COL4A6: variants seen among roughly 807,000 people sequenced by gnomAD.
The protein encoded by COL4A6 is collagen alpha-6(IV) chain.
In COL4A6, 59 loss-of-function variants were observed where a neutral mutation model predicts 126.7. The observed-to-expected ratio is 0.47, with a 90% CI of 0.38 to 0.58. The LOEUF (loss-of-function observed/expected upper bound fraction) is 0.58, where lower values mean the gene tolerates loss of function less well. COL4A6 is among the 20% of genes least tolerant of loss of function. COL4A6 has a pLI of 0.00. For synonymous variants in COL4A6, 547 were observed against 496.6 expected (o/e 1.10, Z -1.35); for missense variants, 1,285 against 1,337.3 (o/e 0.96, Z 0.61).
chrX:108,185,955 T>A (rs1240680414), intron 23 of COL4A6, among the ~76,000 whole-genome samples: 1 of 111,695 alleles, frequency 9.0e-6, no homozygotes, highest in East Asian at 2.8e-4. Context: ...ATGGTAAAAT[T>A]TTGGAGCTGG....
chrX:108,351,440 C>CTGTGTGTGTGTGTGTGTGTGTGTGTG (rs574111228), intron 2 of COL4A6, among the ~76,000 whole-genome samples: 1 of 97,911 alleles, frequency 1.0e-5, no homozygotes, highest in Admixed American at 1.2e-4. Context: ...AACTCTCTCT[C>CTGTGTGTGTGTGTGTGTGTGTGTGTG]TCTGTGTGTG....
At chrX:108,361,817 A>G (rs1287889238) in intron 2 of COL4A6, among the ~76,000 whole-genome samples, 1 of 111,958 alleles carries the variant, frequency 8.9e-6, no homozygotes, top group Non-Finnish European at 1.9e-5. Context: ...ATGTTGTTGT[A>G]TATCTTGAAA....
intron 3 of COL4A6, among the ~76,000 whole-genome samples, chrX:108,286,250 A>T (rs1179870774): frequency 8.9e-6 from 1 of 112,077 alleles, no homozygotes; most frequent in Non-Finnish European, 1.9e-5. Flanking sequence ...TTAAACAACC[A>T]CAAACAAGTT....
chrX:108,191,543 T>C lies in COL4A6; in HGVS notation c.1181-10A>G. ...AGGGCTCCTGGGACACCTGGAAGAA[T>C]AAGCCCACACACAAATGCTCATTAT... On this transcript the variant is annotated splice_polypyrimidine_tract_variant and intron_variant, in intron 18 of 44. Coordinates refer to ENST00000334504, the MANE Select transcript of COL4A6 (RefSeq NM_033641.4). The C allele has an allele frequency of 2.5e-6, 3 of 1,206,190 alleles. No individual in the cohort carries two copies. Among genetic ancestry groups the C allele is most frequent in the Non-Finnish European group, 3.4e-6 (3 of 893,010 alleles).
chrX:108,314,185 T>C (rs1569421485), intron 2 of COL4A6, among the ~76,000 whole-genome samples: 1 of 111,655 alleles, frequency 9.0e-6, no homozygotes, highest in Non-Finnish European at 1.9e-5. Context: ...CCTGACTCCC[T>C]GATCATTTTG....
In COL4A6 at chrX:108,156,956, G is replaced by A; in HGVS notation, c.*44C>T. On this transcript the variant is annotated 3_prime_UTR_variant, in exon 45 of 45. Transcript: ENST00000334504. ...CATTCAGGTTTGTGAGGTGACTGTT[G>A]TGAGGGGCAGGGGAGGGCAAGGGGC... 1 of 1,160,359 alleles carries A rather than the reference G, an allele frequency of 8.6e-7. No individual in the cohort carries two copies. Among genetic ancestry groups the A allele is most frequent in the Non-Finnish European group, 1.2e-6 (1 of 854,536 alleles).
Position 108,438,415 on chromosome X carries a change from C to T in COL4A6, c.-219G>A. 3.9e-6 allele frequency: 4 copies of T among 1,034,027 alleles called. No individual in the cohort carries two copies. The South Asian group carries it at 1.4e-4, about 36-fold the overall frequency. 85.2% of individuals were successfully genotyped at this position (1,034,027 alleles called of 1,213,427 possible). ...GGTGCCCGTTACAACTTGCAGCACTCAGGAGATAGTTCCATGCAGCAGGAG... is the reference window on the plus strand; with the variant it reads ...GGTGCCCGTTACAACTTGCAGCACTTAGGAGATAGTTCCATGCAGCAGGAG... On this transcript the variant is annotated 5_prime_UTR_variant, in exon 1 of 45. Transcript: ENST00000334504.
chrX:108,263,791 C>T (rs773978957), intron 3 of COL4A6, among the ~76,000 whole-genome samples: 1 of 111,450 alleles, frequency 9.0e-6, no homozygotes, highest in African/African-American at 3.3e-5. Flanking sequence ...TTAAATAGCT[C>T]TCAGTAATTC....
intron 33 of COL4A6, among the ~76,000 whole-genome samples, chrX:108,171,186 G>A (rs1448147964): frequency 8.9e-6 from 1 of 112,350 alleles, no homozygotes; most frequent in Non-Finnish European, 1.9e-5. Context: ...CTAAGGGGAT[G>A]TAGGCCATTA....
intron 3 of COL4A6, among the ~76,000 whole-genome samples, chrX:108,288,836 G>A (rs1290879244): frequency 2.7e-5 from 3 of 111,073 alleles, no homozygotes; most frequent in Non-Finnish European, 3.8e-5. Flanking sequence ...AAATGATTAT[G>A]TTTAACATTA....
intron 3 of COL4A6, 65 bp downstream of exon 3, chrX:108,310,683 T>G: frequency 2.0e-6 from 2 of 1,010,727 alleles, no homozygotes; most frequent in Non-Finnish European, 2.8e-6. Context: ...AGTTTATTTC[T>G]AAAGAAAACA....
intron 2 of COL4A6, among the ~76,000 whole-genome samples, chrX:108,371,167 C>A (rs1603179340): frequency 9.1e-6 from 1 of 110,017 alleles, no homozygotes; most frequent in East Asian, 2.9e-4. Flanking sequence ...GAGACAGGGT[C>A]TGTCTTATTG....
At chrX:108,296,747 T>A (rs1217845379) in intron 3 of COL4A6, among the ~76,000 whole-genome samples, 1 of 112,179 alleles carries the variant, frequency 8.9e-6, no homozygotes, top group Non-Finnish European at 1.9e-5. Flanking sequence ...CAATTATCTC[T>A]TTTAATCTTC....
At chrX:108,169,901 G>C in intron 36 of COL4A6, 44 bp downstream of exon 36, 1 of 1,109,668 alleles carries the variant, frequency 9.0e-7, no homozygotes, top group South Asian at 2.0e-5. Context: ...CCAGGCTTCT[G>C]GAAGAGCTGA....
At chrX:108,323,501 T>C (rs2039078076) in intron 2 of COL4A6, among the ~76,000 whole-genome samples, 1 of 111,568 alleles carries the variant, frequency 9.0e-6, no homozygotes, top group Admixed American at 9.6e-5. Context: ...GTTCAAAATT[T>C]AAGCATGATA....
intron 2 of COL4A6, among the ~76,000 whole-genome samples, chrX:108,375,525 A>G (rs1240853793): frequency 9.0e-6 from 1 of 111,037 alleles, no homozygotes; most frequent in Non-Finnish European, 1.9e-5. Flanking sequence ...TGAATAAAAG[A>G]GGTGTCCTTA....
chrX:108,344,398 T>A (rs1023158709), intron 2 of COL4A6, among the ~76,000 whole-genome samples: 2 of 111,088 alleles, frequency 1.8e-5, no homozygotes, highest in African/African-American at 6.5e-5. Context: ...AAAAACCAAC[T>A]ATGCTCCCTT....
intron 26 of COL4A6, 30 bp downstream of exon 26, chrX:108,179,187 T>C (rs1429690167): frequency 1.7e-6 from 2 of 1,155,237 alleles, no homozygotes; most frequent in East Asian, 3.0e-5. Context: ...TTTCTGTAGA[T>C]TGTTAAATAA....
intron 3 of COL4A6, among the ~76,000 whole-genome samples, chrX:108,270,311 A>G (rs1032142122): frequency 6.2e-5 from 7 of 112,714 alleles, no homozygotes; most frequent in African/African-American, 2.3e-4. Context: ...TCTGGGTTCA[A>G]TCATGTAACT....
Sources: gnomAD v4.1 joint callset for allele counts (sites outside exome capture counted in the v4.1 genomes callset) on GRCh38, gnomAD v4.1.1 for gene constraint, MANE v1.5 for transcripts, NCBI Gene and HGNC (gene_info 2026-07-23, HGNC 2026-07-21) for gene names.